Variants in YTHDF3 observed in about 807,000 individuals in gnomAD.
YTHDF3 encodes YTH domain-containing family protein 3.
YTHDF3 carries 9 observed loss-of-function variants against 52.5 expected under a neutral mutation model. The ratio of observed to expected loss-of-function variants is 0.17; its 90% CI spans 0.10 to 0.30. YTHDF3 has a LOEUF of 0.30. YTHDF3 is among the 10% of genes least tolerant of loss of function. The probability of loss-of-function intolerance (pLI) is 1.00; values close to 1 mark genes in which losing one functional copy is unlikely to be tolerated. For synonymous variants in YTHDF3, 274 were observed against 243.3 expected, an observed-to-expected ratio of 1.13 and a Z score of -1.18; for missense variants, 534 against 715.0, an observed-to-expected ratio of 0.75 and a Z score of 2.89.
chr8:63,207,563 T>TTA (rs1394800534), intron 4 of YTHDF3, among the ~76,000 whole-genome samples: 2 of 152,264 alleles, frequency 1.3e-5, no homozygotes, highest in South Asian at 2.1e-4. Flanking sequence ...AAGTTATGCA[T>TTA]TATATATATA....
intron 4 of YTHDF3, among the ~76,000 whole-genome samples, chr8:63,206,851 A>G (rs985612059): frequency 6.6e-6 from 1 of 152,032 alleles, no homozygotes; most frequent in African/African-American, 2.4e-5. Flanking sequence ...AGAAATTCCA[A>G]ACATGGGTTT....
rs770564240 is a variant in YTHDF3 at position 63,211,936 on chromosome 8, C to T, written c.*2230C>T. On this transcript the variant is annotated 3_prime_UTR_variant, in exon 5 of 5. Transcript: ENST00000539294. The stretch of plus-strand genomic sequence containing the variant: ...GTTTTCTCCAGAGCACCCACCTTCT[C>T]TTCCTTCTTGGTCTGTCATTATATT... 2 of 152,582 alleles carry T rather than the reference C, an allele frequency of 1.3e-5. No homozygotes were observed. Among genetic ancestry groups the T allele is most frequent in the Non-Finnish European group, 2.9e-5 (2 of 68,018 alleles). The allele number at this position is 152,582 out of a possible 1,614,324, so 9.5% of individuals were successfully genotyped here. A position where few individuals can be genotyped will look rare whatever the true frequency, so the allele number is the denominator to read the frequency against.
At position 63,209,866 on chromosome 8, in the gene YTHDF3, C is replaced by G; in HGVS notation, c.*160C>G. On this transcript the variant is annotated 3_prime_UTR_variant, in exon 5 of 5. Transcript: ENST00000539294. ...CTCTTCTCGTAATGGTTTTCATCAG[C>G]GCATCTGCCCTTATACTCTTCACCA... The G allele has an allele frequency of 1.5e-6, 1 of 675,460 alleles. No homozygotes were observed. 41.8% of individuals were successfully genotyped at this position (675,460 alleles called of 1,614,324 possible).
intron 4 of YTHDF3, among the ~76,000 whole-genome samples, chr8:63,189,500 A>G (rs1443490052): frequency 4.6e-5 from 7 of 152,352 alleles, no homozygotes; most frequent in African/African-American, 1.4e-4. Flanking sequence ...GCTTGTTCCT[A>G]TGTAGAAATT....
chr8:63,172,002 A>G (rs1194879249), intron 2 of YTHDF3, among the ~76,000 whole-genome samples: 2 of 152,170 alleles, frequency 1.3e-5, no homozygotes, highest in Non-Finnish European at 2.9e-5. Context: ...ATTGTCTTTG[A>G]TATGGCAAAA....
At chr8:63,189,178 A>G (rs1246317424) in intron 4 of YTHDF3, 4 of 152,168 alleles carry the variant, frequency 2.6e-5, no homozygotes, top group African/African-American at 9.7e-5. Flanking sequence ...TTATCCTTGT[A>G]TTATATTGGC....
intron 4 of YTHDF3, among the ~76,000 whole-genome samples, chr8:63,205,371 C>T (rs756679421): frequency 2.6e-5 from 4 of 151,982 alleles, no homozygotes; most frequent in Non-Finnish European, 5.9e-5. Flanking sequence ...TACAGTACCT[C>T]ATTTTATAAT....
intron 4 of YTHDF3, among the ~76,000 whole-genome samples, chr8:63,198,880 A>C (rs1199107696): frequency 6.6e-6 from 1 of 152,204 alleles, no homozygotes. Flanking sequence ...ACTTTTGTAA[A>C]ATTTGAAGAA....
chr8:63,172,332 T>C (rs2129964616), intron 2 of YTHDF3, among the ~76,000 whole-genome samples: 1 of 152,334 alleles, frequency 6.6e-6, no homozygotes, highest in East Asian at 1.9e-4. Flanking sequence ...TCCTTTCTCC[T>C]CTAAGTTTAT....
Position 63,186,404 on chromosome 8 carries a change from T to A in YTHDF3, c.393T>A (p.Ala131=). ...GATTTAACTTTTTTCCTGGTAATGC[T>A]GATTTCTCTACATGGGGGACAAGTG... ...QHGFNFFPGN[A]DFSTWGTSGS... Residue 131 remains alanine, a synonymous_variant, in exon 4 of 5, where the codon GCT becomes GCA. Coordinates refer to ENST00000539294, the MANE Select transcript of YTHDF3 (RefSeq NM_152758.6). 1.9e-6 allele frequency: 3 copies of A among 1,614,086 alleles called. No individual in the cohort carries two copies. The highest frequency in any genetic ancestry group is 1.1e-5 in the South Asian group (1 of 91,088).
chr8:63,191,450 T>C (rs1406255297), intron 4 of YTHDF3, among the ~76,000 whole-genome samples: 1 of 152,184 alleles, frequency 6.6e-6, no homozygotes, highest in Admixed American at 6.5e-5. Flanking sequence ...GCTTCTATTA[T>C]CACATTCAGC....
chr8:63,198,804 T>C (rs1389845668), intron 4 of YTHDF3, among the ~76,000 whole-genome samples: 1 of 152,214 alleles, frequency 6.6e-6, no homozygotes, highest in African/African-American at 2.4e-5. Flanking sequence ...TTTTCTGTGG[T>C]TATAGTTCTC....
intron 4 of YTHDF3, chr8:63,188,701 A>ATATATATATATATATATATT (rs1355614739): frequency 1.6e-5 from 1 of 61,444 alleles, no homozygotes; most frequent in African/African-American, 8.6e-5. Flanking sequence ...ATATATATAT[A>ATATATATATATATATATATT]TTTTTTTTTT....
In YTHDF3 at chr8:63,186,918, C is replaced by A; in HGVS notation, c.907C>A (p.Gln303Lys). 6.2e-7 allele frequency: 1 copy of A among 1,613,996 alleles called. No homozygotes were observed. Among genetic ancestry groups the A allele is most frequent in the Non-Finnish European group, 8.5e-7 (1 of 1,179,884 alleles). The change falls in exon 4 of 5, where the codon CAG (glutamine) becomes AAG (lysine). Residue 303 changes from glutamine (Q) to lysine (K), a missense_variant. By Grantham distance (53) the Gln-to-Lys change is moderately conservative. This residue lies in a region of YTHDF3 where 203 missense variants were observed against 201.3 expected (regional missense o/e 1.01). Transcript: ENST00000539294. ...TCTGCCTCCTCAAACTATAATCCAG[C>A]AGCCTCAGCCATTAATTCAACCACC... ...PVLPPQTIIQ[Q>K]PQPLIQPPPL...
At chr8:63,184,079 T>G (rs1362846281) in intron 3 of YTHDF3, among the ~76,000 whole-genome samples, 1 of 152,246 alleles carries the variant, frequency 6.6e-6, no homozygotes, top group Non-Finnish European at 1.5e-5. Flanking sequence ...ACTATTCATT[T>G]CTTTTTCCCA....
At chr8:63,188,876 C>T (rs1295854456) in intron 4 of YTHDF3, 2 of 150,540 alleles carry the variant, frequency 1.3e-5, no homozygotes, top group Admixed American at 6.6e-5. Context: ...ACCATGCCTG[C>T]CAAATTTTTG....
In YTHDF3 at chr8:63,187,038, G is replaced by A; in HGVS notation, c.1027G>A (p.Val343Met). The change falls in exon 4 of 5, where the codon GTG becomes ATG. Residue 343 changes from valine to methionine, a missense_variant. By Grantham distance (21) the Val-to-Met change is conservative (BLOSUM62 1). Transcript: ENST00000539294. ...TCAGCCACAGGCCCAGCCTCACCAAGTGCAGCCTCAACAGCAGCAGCTGCA... is the reference window on the plus strand; with the variant it reads ...TCAGCCACAGGCCCAGCCTCACCAAATGCAGCCTCAACAGCAGCAGCTGCA... ...GPQPQAQPHQ[V>M]QPQQQQLQNR... 6.2e-7 allele frequency: 1 copy of A among 1,613,588 alleles called. No homozygotes were observed. Among genetic ancestry groups the A allele is most frequent in the Non-Finnish European group, 8.5e-7 (1 of 1,179,704 alleles).
chr8:63,177,813 A>G (rs1425357378), intron 3 of YTHDF3, among the ~76,000 whole-genome samples: 2 of 149,086 alleles, frequency 1.3e-5, no homozygotes, highest in Non-Finnish European at 3.0e-5. Flanking sequence ...GCTGGAGTGC[A>G]GTGGCATAAT....
intron 2 of YTHDF3, 62 bp from the exon 3 acceptor site, chr8:63,175,269 T>G (rs1807610875): frequency 8.2e-7 from 1 of 1,216,298 alleles, no homozygotes; most frequent in African/African-American, 1.5e-5. Context: ...TTAAAAACAT[T>G]AGGTTGTGCT....
Sources: allele counts gnomAD v4.1 joint callset (sites outside exome capture counted in the v4.1 genomes callset), GRCh38; gene constraint gnomAD v4.1.1; regional missense constraint gnomAD v4.1.1; transcripts MANE v1.5; gene names NCBI Gene and HGNC (gene_info 2026-07-23, HGNC 2026-07-21).